The following CCT4 variants were observed in gnomAD, a reference collection of about 807,000 sequenced individuals.
The protein encoded by CCT4 is T-complex protein 1 subunit delta.
CCT4 carries 17 observed loss-of-function variants against 62.5 expected under a neutral mutation model. The observed-to-expected ratio is 0.27, with a 90% CI of 0.19 to 0.41. The LOEUF (loss-of-function observed/expected upper bound fraction) is 0.41. CCT4 is among the 10% of genes least tolerant of loss of function. CCT4 has a pLI of 1.00. For synonymous variants in CCT4, 250 were observed against 229.9 expected, an observed-to-expected ratio of 1.09 and a Z score of -0.79; for missense variants, 592 against 659.2, an observed-to-expected ratio of 0.90 and a Z score of 1.12.
At chr2:61,886,614 T>C (rs1489849401) in intron 1 of CCT4, among the ~76,000 whole-genome samples, 1 of 152,210 alleles carries the variant, frequency 6.6e-6, no homozygotes, top group Non-Finnish European at 1.5e-5. Context: ...TCTTCACAGA[T>C]AACTTAGGTG....
At chr2:61,888,107 C>T (rs1669301289) in intron 1 of CCT4, 3 of 376,476 alleles carry the variant, frequency 8.0e-6, no homozygotes, top group Non-Finnish European at 1.4e-5. Flanking sequence ...TTTTGAACTG[C>T]TTTCGGCTCC....
chr2:61,879,752 T>C (rs1046925621), intron 4 of CCT4, among the ~76,000 whole-genome samples: 2 of 152,088 alleles, frequency 1.3e-5, no homozygotes, highest in Non-Finnish European at 2.9e-5. Context: ...CATTTCTTTT[T>C]TTTTTTTTGA....
At chr2:61,869,723 A>G (rs1333016399) in intron 12 of CCT4, among the ~76,000 whole-genome samples, 170 bp from the exon 13 acceptor site, 1 of 152,104 alleles carries the variant, frequency 6.6e-6, no homozygotes, top group Non-Finnish European at 1.5e-5. Context: ...TGTTATTTCA[A>G]TTAAAATTTG....
At chr2:61,888,210 G>T in intron 1 of CCT4, 171 bp downstream of exon 1, 1 of 792,112 alleles carries the variant, frequency 1.3e-6, no homozygotes, top group Admixed American at 3.2e-5. Flanking sequence ...CCGGGTTGGC[G>T]ATCATCGGCA....
intron 3 of CCT4, among the ~76,000 whole-genome samples, chr2:61,881,755 T>G (rs904150209): frequency 2.0e-5 from 3 of 152,306 alleles, no homozygotes; most frequent in Non-Finnish European, 4.4e-5. Context: ...TAAACAATTT[T>G]TAATGGCTGT....
At chr2:61,877,616 G>C (rs1389142335) in intron 5 of CCT4, 102 bp from the exon 6 acceptor site, 1 of 850,350 alleles carries the variant, frequency 1.2e-6, no homozygotes, top group Admixed American at 3.3e-5. Context: ...AATTTTTGCA[G>C]TGGGGTGTGG....
At chr2:61,878,255 T>C (rs1669041274) in intron 5 of CCT4, among the ~76,000 whole-genome samples, 1 of 152,088 alleles carries the variant, frequency 6.6e-6, no homozygotes, top group Non-Finnish European at 1.5e-5. Flanking sequence ...AGAAAACAAG[T>C]GACATGAGTT....
At chr2:61,887,755 C>A (rs1669291237) in intron 1 of CCT4, among the ~76,000 whole-genome samples, 1 of 152,144 alleles carries the variant, frequency 6.6e-6, no homozygotes, top group Non-Finnish European at 1.5e-5. Flanking sequence ...CAACGTGTGC[C>A]ACACACTTCC....
chr2:61,883,773 G>GACAC (rs59031193), intron 2 of CCT4, among the ~76,000 whole-genome samples: 4,342 of 143,808 alleles, frequency 0.03, 85 homozygotes, highest in African/African-American at 0.05. Context: ...AAGAAATGTA[G>GACAC]ACACACACAC....
chr2:61,873,011 T>G lies in CCT4; in HGVS notation c.1116A>C (p.Lys372Asn). The G allele has an allele frequency of 6.3e-7, 1 of 1,589,086 alleles. No individual in the cohort carries two copies. ...AGTGTAATACTGTTACCTTGAGCAG[T>G]TTGCCAGAACCATTTAAATTGACCT... The part of the protein sequence containing the change: ...AEEVNLNGSG[K>N]LLKITGCASP... Residue 372 changes from lysine to asparagine, a missense_variant, in exon 10 of 14, where the codon AAA becomes AAC. Lys to Asn is a moderately conservative substitution (Grantham distance 94). Transcript: ENST00000394440.
rs757636873 is a variant in CCT4, at chr2:61,888,424, G to C, written c.84C>G (p.Asp28Glu). The C allele has an allele frequency of 4.3e-6, 7 of 1,612,886 alleles. No homozygotes were observed. The highest frequency in any genetic ancestry group is 3.4e-6 in the Non-Finnish European group (4 of 1,179,610). Residue 28 changes from aspartate (D) to glutamate (E), a missense_variant, in exon 1 of 14, where the codon GAC (aspartate) becomes GAG (glutamate). This residue lies in a region of CCT4 where 67 missense variants were observed against 71.1 expected (regional missense o/e 0.94). Coordinates refer to ENST00000394440, the MANE Select transcript of CCT4 (RefSeq NM_006430.4). ...TGCTGAAGCGGATCTGGGCTGGCTT[G>C]TCGCGGTCCTGATAGGCGCCTTTCC... ...GRGKGAYQDR[D>E]KPAQIRFSNI...
chr2:61,876,730 T>C (rs1669009504), intron 7 of CCT4, among the ~76,000 whole-genome samples, 190 bp downstream of exon 7: 1 of 152,202 alleles, frequency 6.6e-6, no homozygotes, highest in Admixed American at 6.5e-5. Context: ...AGCTCTCAAT[T>C]TCAATATCCC....
chr2:61,868,251 A>G lies in CCT4; in HGVS notation c.*441T>C, dbSNP rs1453305420. On this transcript the variant is annotated 3_prime_UTR_variant, in exon 14 of 14. Coordinates refer to ENST00000394440, the MANE Select transcript of CCT4 (RefSeq NM_006430.4). ...CATTCTCTTTCTGTACCATTAACTTATTTTTGTTTTAACTGGGCAGCCTCC... is the reference window on the plus strand; with the variant it reads ...CATTCTCTTTCTGTACCATTAACTTGTTTTTGTTTTAACTGGGCAGCCTCC... 6.3e-6 allele frequency: 1 copy of G among 158,168 alleles called. No individual in the cohort carries two copies. Among genetic ancestry groups the G allele is most frequent in the African/African-American group, 2.4e-5 (1 of 41,494 alleles). 9.8% of individuals were successfully genotyped at this position (158,168 alleles called of 1,614,324 possible).
At chr2:61,872,688 G>T in intron 10 of CCT4, 100 bp from the exon 11 acceptor site, 1 of 1,217,524 alleles carries the variant, frequency 8.2e-7, no homozygotes, top group Non-Finnish European at 1.2e-6. Context: ...AACACTTTGG[G>T]AGGATGAGGC....
rs1668897859 is a variant in CCT4 at position 61,872,178 on chromosome 2, T to C, written c.1395A>G (p.Leu465=). ...TGGGATTCAGGCCGGCATTTTCAGC[T>C]AGTGTAGATGGAATGACCTCCATAG... ...ADAMEVIPST[L]AENAGLNPIS... Residue 465 remains leucine, a synonymous_variant, in exon 12 of 14, where the codon CTA becomes CTG. Transcript: ENST00000394440. The C allele has an allele frequency of 1.9e-6, 3 of 1,614,108 alleles. No individual in the cohort carries two copies. The highest frequency in any genetic ancestry group is 1.7e-5 in the Admixed American group (1 of 60,006).
intron 8 of CCT4, among the ~76,000 whole-genome samples, chr2:61,875,579 T>C (rs1340152429): frequency 4.0e-5 from 3 of 74,934 alleles, no homozygotes; most frequent in Non-Finnish European, 5.6e-5. Flanking sequence ...TGAGACTCTG[T>C]CTCAAAAAAA....
intron 3 of CCT4, among the ~76,000 whole-genome samples, chr2:61,881,776 T>C (rs1415365928): frequency 6.6e-6 from 1 of 152,150 alleles, no homozygotes; most frequent in East Asian, 1.9e-4. Flanking sequence ...ATGATTAACA[T>C]GCTGTGGTAT....
intron 4 of CCT4, 27 bp from the exon 5 acceptor site, chr2:61,879,038 T>C (rs747197564): frequency 2.8e-5 from 44 of 1,551,290 alleles, no homozygotes; most frequent in Non-Finnish European, 3.3e-5. Flanking sequence ...TCTAGTTATT[T>C]AATTGTAACA....
At position 61,873,284 on chromosome 2, in the gene CCT4, A is replaced by T. The variant is rs918674952; in HGVS notation, c.927T>A (p.Leu309=). The T allele has an allele frequency of 3.3e-6, 5 of 1,535,710 alleles. No individual in the cohort carries two copies. Among genetic ancestry groups the T allele is most frequent in the Non-Finnish European group, 4.5e-6 (5 of 1,110,950 alleles). Residue 309 remains leucine (L), a synonymous_variant, in exon 9 of 14, where the codon CTT becomes CTA. Transcript: ENST00000394440. Reference sequence around the variant, plus strand: ...TCAGAAAGTGTAATGCAAGATCACTAAGAGCATCTCTAAAATACAAAATCA... The same window carrying T: ...TCAGAAAGTGTAATGCAAGATCACTTAGAGCATCTCTAAAATACAAAATCA... ...LIQKSILRDA[L]SDLALHFLNK... is the part of the protein sequence containing the mutation.
Sources: allele counts gnomAD v4.1 joint callset (sites outside exome capture counted in the v4.1 genomes callset), GRCh38; gene constraint gnomAD v4.1.1; regional missense constraint gnomAD v4.1.1; transcripts MANE v1.5; gene names NCBI Gene and HGNC (gene_info 2026-07-23, HGNC 2026-07-21).